FAM135B: variants seen among roughly 807,000 people sequenced by gnomAD.
FAM135B encodes protein FAM135B.
FAM135B carries 43 observed loss-of-function variants against 127.7 expected under a neutral mutation model. That is an observed-to-expected ratio of 0.34 (90% CI 0.26 to 0.43). The LOEUF is 0.43. Ranked by LOEUF, FAM135B falls within the 20% of genes least tolerant of loss-of-function variation. FAM135B has a pLI of 1.00. For synonymous variants in FAM135B, 670 were observed against 665.1 expected (o/e 1.01, Z -0.11); for missense variants, 1,558 against 1,725.6 (o/e 0.90, Z 1.72).
chr8:138,255,993 C>G (rs1248879513), intron 5 of FAM135B, among the ~76,000 whole-genome samples: 2 of 152,114 alleles, frequency 1.3e-5, no homozygotes, highest in Non-Finnish European at 1.5e-5. Flanking sequence ...AAGCCTGGAT[C>G]TGGAGGTGAG....
intron 1 of FAM135B, among the ~76,000 whole-genome samples, chr8:138,445,409 A>T (rs1181871770): frequency 6.6e-6 from 1 of 152,184 alleles, no homozygotes; most frequent in Non-Finnish European, 1.5e-5. Context: ...CCTCAATAAA[A>T]TACTGGCAAA....
intron 1 of FAM135B, among the ~76,000 whole-genome samples, chr8:138,383,958 C>G (rs1264880127): frequency 2.6e-5 from 4 of 152,198 alleles, no homozygotes; most frequent in African/African-American, 9.6e-5. Flanking sequence ...AGAGGTGCCC[C>G]TCCTCTGTTA....
At chr8:138,432,567 AG>A (rs991129453) in intron 1 of FAM135B, among the ~76,000 whole-genome samples, 1 of 151,894 alleles carries the variant, frequency 6.6e-6, no homozygotes, top group Non-Finnish European at 1.5e-5. Context: ...AGAGTTATAC[AG>A]GTTATTTTGC....
At chr8:138,337,660 T>C (rs1000011556) in intron 2 of FAM135B, among the ~76,000 whole-genome samples, 13 of 151,964 alleles carry the variant, frequency 8.6e-5, no homozygotes, top group Admixed American at 7.2e-4. Context: ...GAAGAATCAA[T>C]ATTGTGAAAA....
chr8:138,219,892 C>T (rs1818888664), intron 7 of FAM135B, among the ~76,000 whole-genome samples: 1 of 152,138 alleles, frequency 6.6e-6, no homozygotes, highest in African/African-American at 2.4e-5. Flanking sequence ...ATGAACTATT[C>T]ATAGACAACA....
Position 138,152,246 on chromosome 8 carries a change from G to C in FAM135B, c.2229C>G (p.Ile743Met), listed in dbSNP as rs1338500603. Reference protein sequence around the residue: ...TESNTSLPSGIQASLTSISSL... With the variant: ...TESNTSLPSGMQASLTSISSL... The stretch of plus-strand genomic sequence containing the variant: ...AGCTAATGGAGGTGAGAGAAGCCTG[G>C]ATGCCGCTTGGCAAACTTGTGTTAC... Residue 743 changes from isoleucine to methionine, a missense_variant, in exon 13 of 20, where the codon ATC (isoleucine) becomes ATG (methionine). Physicochemically the swap from Ile to Met is conservative, Grantham distance 10 (BLOSUM62 1). Transcript: ENST00000395297. The C allele has an allele frequency of 1.9e-6, 3 of 1,614,128 alleles. No individual in the cohort carries two copies. In the African/African-American group the frequency reaches 4.0e-5, roughly 22 times the overall value.
At chr8:138,195,688 G>A (rs561434491) in intron 8 of FAM135B, among the ~76,000 whole-genome samples, 34 of 152,152 alleles carry the variant, frequency 2.2e-4, no homozygotes, top group Non-Finnish European at 4.1e-4. Context: ...ATACATCTGT[G>A]CATCATATAT....
chr8:138,299,082 A>AATAC (rs1298922856), intron 3 of FAM135B, among the ~76,000 whole-genome samples: 5 of 148,594 alleles, frequency 3.4e-5, no homozygotes, highest in African/African-American at 1.2e-4. Flanking sequence ...TAAATAAATA[A>AATAC]ATAAATAAAT....
chr8:138,377,244 T>C (rs767539720), intron 1 of FAM135B, among the ~76,000 whole-genome samples: 1 of 152,212 alleles, frequency 6.6e-6, no homozygotes, highest in Non-Finnish European at 1.5e-5. Context: ...AACATTACTG[T>C]TCTCAAACGA....
At chr8:138,202,245 GTTTTTT>G (rs5895501) in intron 7 of FAM135B, among the ~76,000 whole-genome samples, 44 of 150,338 alleles carry the variant, frequency 2.9e-4, no homozygotes, top group Non-Finnish European at 6.4e-4. Flanking sequence ...CAAACAGTCT[GTTTTTT>G]TTTTTTTGTT....
intron 13 of FAM135B, among the ~76,000 whole-genome samples, chr8:138,149,659 A>G (rs1817961844): frequency 1.3e-5 from 2 of 152,068 alleles, no homozygotes; most frequent in Admixed American, 1.3e-4. Flanking sequence ...CATCATCATC[A>G]TCATCATCAT....
At position 138,242,948 on chromosome 8, in the gene FAM135B, G is replaced by A. The variant is rs1820947589; in HGVS notation, c.663C>T (p.Ser221=). ...TGCCCCACACAGGCCTTACCTCTGA[G>A]GAAGTCGGCTTGCAGTACCCAGCTC... ...VFGAGYCKPT[S]SEGSFYITSE... The change falls in exon 7 of 20, where the codon TCC becomes TCT. Residue 221 remains serine (S), a synonymous_variant. Coordinates refer to ENST00000395297, the MANE Select transcript of FAM135B (RefSeq NM_015912.4). This position sits in a 1 kb window ranked among gnomAD's most constrained non-coding sequence, Gnocchi z 9.6. 6.2e-7 allele frequency: 1 copy of A among 1,613,492 alleles called. No homozygotes were observed. The highest frequency in any genetic ancestry group is 8.5e-7 in the Non-Finnish European group (1 of 1,179,724).
Position 138,465,882 on chromosome 8 carries a change from C to T in FAM135B, c.-20+30789G>A, listed in dbSNP as rs191492111. On this transcript the variant is annotated intron_variant, in intron 1 of 19. Transcript: ENST00000395297. Reference sequence around the variant, plus strand: ...GCAACCTCCGCCTCCCAGGTTCAAGCGAATATACTGCCTCAGCCTCCCAGG... The same window carrying T: ...GCAACCTCCGCCTCCCAGGTTCAAGTGAATATACTGCCTCAGCCTCCCAGG... Among the ~76,000 whole-genome samples the T allele has an allele frequency of 3.3e-5, 5 of 152,158 alleles. No individual in the cohort carries two copies. In the East Asian group the frequency reaches 9.7e-4, roughly 30 times the overall value.
chr8:138,266,648 CATATAT>C (rs957072978), intron 3 of FAM135B, among the ~76,000 whole-genome samples: 1 of 146,616 alleles, frequency 6.8e-6, no homozygotes, highest in African/African-American at 2.5e-5. Flanking sequence ...CGTATATATA[CATATAT>C]ATATATTATT....
In FAM135B at chr8:138,446,276, A is replaced by C. The variant is rs546999204; in HGVS notation, c.-20+50395T>G. Among the ~76,000 whole-genome samples, 75 of 152,290 alleles carry C rather than the reference A, an allele frequency of 4.9e-4. 1 individual carries two copies. The highest frequency in any genetic ancestry group is 2.6e-4 in the Non-Finnish European group (18 of 68,034). Reference sequence around the variant, plus strand: ...TGCCATCCCCATCAAGCTACCAATGACTTTCTTCACAGAATTGGAAAAAAC... The same window carrying C: ...TGCCATCCCCATCAAGCTACCAATGCCTTTCTTCACAGAATTGGAAAAAAC... On this transcript the variant is annotated intron_variant, in intron 1 of 19. Coordinates refer to ENST00000395297, the MANE Select transcript of FAM135B (RefSeq NM_015912.4).
chr8:138,424,745 A>C (rs1834741717), intron 1 of FAM135B, among the ~76,000 whole-genome samples: 1 of 152,212 alleles, frequency 6.6e-6, no homozygotes, highest in African/African-American at 2.4e-5. Context: ...TAGTGCCTCT[A>C]CTTATTGGAT....
intron 2 of FAM135B, among the ~76,000 whole-genome samples, chr8:138,343,624 C>T (rs1829204683): frequency 6.6e-6 from 1 of 152,230 alleles, no homozygotes; most frequent in Non-Finnish European, 1.5e-5. Flanking sequence ...GAAGGCCCTG[C>T]CCTGGCCAGG....
chr8:138,334,320 C>T (rs1001569765), intron 2 of FAM135B, among the ~76,000 whole-genome samples: 7 of 152,214 alleles, frequency 4.6e-5, no homozygotes, highest in African/African-American at 1.4e-4. Context: ...CTTTGGCCTA[C>T]AGCAAGTGGC....
At chr8:138,344,573 C>CTTTATTTTTT (rs869311243) in intron 2 of FAM135B, among the ~76,000 whole-genome samples, 1 of 113,614 alleles carries the variant, frequency 8.8e-6, no homozygotes. Context: ...CACTTTCTTT[C>CTTTATTTTTT]TTTCTTTTTT....
Sources: allele counts gnomAD v4.1 joint callset (sites outside exome capture counted in the v4.1 genomes callset), GRCh38; gene constraint gnomAD v4.1.1; non-coding constraint Gnocchi (gnomAD v3.1); transcripts MANE v1.5; gene names NCBI Gene and HGNC (gene_info 2026-07-23, HGNC 2026-07-21).